The following FANCC variants were observed in gnomAD, a reference collection of about 807,000 sequenced individuals.
The protein encoded by FANCC is Fanconi anemia group C protein.
Under a neutral mutation model 71.3 loss-of-function variants are expected in FANCC, and 55 were observed. The observed-to-expected ratio is 0.77, with a 90% CI of 0.62 to 0.97. The LOEUF (loss-of-function observed/expected upper bound fraction) is 0.97, where lower values mean the gene tolerates loss of function less well. Ranked by LOEUF, FANCC falls within the 50% of genes least tolerant of loss-of-function variation. FANCC has a pLI of 0.00. For synonymous variants in FANCC, 275 were observed against 244.9 expected, an observed-to-expected ratio of 1.12 and a Z score of -1.15; for missense variants, 678 against 670.9, an observed-to-expected ratio of 1.01 and a Z score of -0.12.
chr9:95,171,109 TTC>T lies in FANCC; in HGVS notation c.489_490del (p.Asn164SerfsTer3), dbSNP rs730881708. ...TTGAGTGTTAAATCCATTAAGATGATTCTCTCTGAGTTCAGACGCTAATGATA... is the reference window on the plus strand; with the variant it reads ...TTGAGTGTTAAATCCATTAAGATGATTCTCTGAGTTCAGACGCTAATGATA... On this transcript the variant is annotated frameshift_variant, in exon 6 of 15. Coordinates refer to ENST00000289081, the MANE Select transcript of FANCC (RefSeq NM_000136.3). LOFTEE classifies it high-confidence loss of function. 17 of 1,613,502 alleles carry T rather than the reference TTC, an allele frequency of 1.1e-5. No individual in the cohort carries two copies. The highest frequency in any genetic ancestry group is 1.4e-5 in the Non-Finnish European group (16 of 1,179,674).
At chr9:95,288,354 C>T (rs931625422) in intron 1 of FANCC, among the ~76,000 whole-genome samples, 1 of 152,154 alleles carries the variant, frequency 6.6e-6, no homozygotes, top group Admixed American at 6.5e-5. Context: ...TTTGTTACAG[C>T]AGATCTTAAG....
chr9:95,314,948 C>G (rs779183399), intron 1 of FANCC, among the ~76,000 whole-genome samples: 1 of 151,954 alleles, frequency 6.6e-6, no homozygotes, highest in Admixed American at 6.6e-5. Flanking sequence ...AAAAAAATAA[C>G]AAACTGATAC....
intron 1 of FANCC, chr9:95,294,175 T>C (rs1167570678): frequency 1.5e-5 from 24 of 1,603,524 alleles, no homozygotes; most frequent in Non-Finnish European, 2.0e-5. Context: ...TCATAGTCTT[T>C]TGTCTAACAC....
rs2134925431 is a variant in FANCC at position 95,125,191 on chromosome 9, C to T, written c.897-6G>A. ...CGGTTTCCAGGAGTGCACACCTGAA[C>T]AATGCAAAGTCAGATCAGAACACGT... On this transcript the variant is annotated splice_polypyrimidine_tract_variant and splice_region_variant and intron_variant, in intron 9 of 14. Coordinates refer to ENST00000289081, the MANE Select transcript of FANCC (RefSeq NM_000136.3). 3.7e-6 allele frequency: 6 copies of T among 1,609,802 alleles called. No individual in the cohort carries two copies. Among genetic ancestry groups the T allele is most frequent in the Non-Finnish European group, 5.1e-6 (6 of 1,176,088 alleles).
At chr9:95,289,214 T>C (rs938859799) in intron 1 of FANCC, among the ~76,000 whole-genome samples, 1 of 152,194 alleles carries the variant, frequency 6.6e-6, no homozygotes, top group African/African-American at 2.4e-5. Flanking sequence ...CTTAAAAATT[T>C]TTTTCTGAAC....
chr9:95,304,589 G>GA (rs34635814), intron 1 of FANCC, among the ~76,000 whole-genome samples: 1 of 144,812 alleles, frequency 6.9e-6, no homozygotes. Flanking sequence ...TACTAAAAAC[G>GA]AAAAAAAAAA....
intron 14 of FANCC, among the ~76,000 whole-genome samples, chr9:95,106,190 G>A (rs2071435406): frequency 6.6e-6 from 1 of 151,442 alleles, no homozygotes; most frequent in South Asian, 2.1e-4. Context: ...GCTGCACTTT[G>A]CCTTTCCCTG....
In FANCC at chr9:95,126,449, T is replaced by G. The variant is rs992401795; in HGVS notation, c.896+80A>C. 4.5e-6 allele frequency: 6 copies of G among 1,334,254 alleles called. No individual in the cohort carries two copies. In the Admixed American group the frequency reaches 1.0e-4, roughly 23 times the overall value. 82.7% of individuals were successfully genotyped at this position (1,334,254 alleles called of 1,614,324 possible). ...ATTTCCCCATGATACAGCCAGAGACTACCACAACATTTTCTGATTCATGCT... is the reference window on the plus strand; with the variant it reads ...ATTTCCCCATGATACAGCCAGAGACGACCACAACATTTTCTGATTCATGCT... On this transcript the variant is annotated intron_variant, in intron 9 of 14. Coordinates refer to ENST00000289081, the MANE Select transcript of FANCC (RefSeq NM_000136.3).
intron 1 of FANCC, among the ~76,000 whole-genome samples, chr9:95,314,035 T>C (rs1213088433): frequency 6.6e-6 from 1 of 152,158 alleles, no homozygotes; most frequent in Non-Finnish European, 1.5e-5. Flanking sequence ...GTCAATAATA[T>C]ACACTCCATG....
intron 7 of FANCC, among the ~76,000 whole-genome samples, chr9:95,138,675 G>A (rs140552739): frequency 4.0e-4 from 61 of 152,292 alleles, no homozygotes; most frequent in Non-Finnish European, 7.2e-4. Flanking sequence ...CATCCTGGCC[G>A]AGAGCCATGG....
intron 4 of FANCC, among the ~76,000 whole-genome samples, chr9:95,237,621 T>C (rs1050004663): frequency 6.6e-6 from 1 of 152,050 alleles, no homozygotes; most frequent in African/African-American, 2.4e-5. Context: ...TTAATTTTAA[T>C]TCAATTTTAA....
intron 1 of FANCC, among the ~76,000 whole-genome samples, chr9:95,288,850 T>C (rs1262511485): frequency 3.9e-5 from 6 of 152,020 alleles, no homozygotes; most frequent in African/African-American, 1.5e-4. Context: ...ACCCTAGTAC[T>C]TAGGGAGGCT....
At chr9:95,120,772 T>C (rs2072813490) in intron 10 of FANCC, among the ~76,000 whole-genome samples, 1 of 152,224 alleles carries the variant, frequency 6.6e-6, no homozygotes, top group Admixed American at 6.5e-5. Context: ...TGCCTTTTTA[T>C]TAGAATATTT....
chr9:95,292,773 T>G, intron 1 of FANCC: 1 of 1,495,804 alleles, frequency 6.7e-7, no homozygotes, highest in South Asian at 1.1e-5. Flanking sequence ...CAGACCATTT[T>G]CTCAGTTTTC....
intron 4 of FANCC, among the ~76,000 whole-genome samples, chr9:95,197,197 T>C (rs1564743826): frequency 6.6e-6 from 1 of 152,124 alleles, no homozygotes; most frequent in Admixed American, 6.5e-5. Context: ...TTCTGACCCT[T>C]TGAAGCCCAT....
intron 4 of FANCC, among the ~76,000 whole-genome samples, chr9:95,221,857 A>C (rs1829294179): frequency 6.6e-6 from 1 of 152,184 alleles, no homozygotes; most frequent in Non-Finnish European, 1.5e-5. Context: ...CAGACTGATA[A>C]TGTGAGGTGT....
At chr9:95,207,695 C>T (rs1006909336) in intron 4 of FANCC, among the ~76,000 whole-genome samples, 1 of 152,266 alleles carries the variant, frequency 6.6e-6, no homozygotes, top group Admixed American at 6.5e-5. Flanking sequence ...AGTGTTACAA[C>T]CTCTCCACTA....
rs146520232 is a variant in FANCC, at chr9:95,129,400, C to T, written c.844-2819G>A. On this transcript the variant is annotated intron_variant, in intron 8 of 14. Coordinates refer to ENST00000289081, the MANE Select transcript of FANCC (RefSeq NM_000136.3). ...CAAATAGAATTAAGGTTTTAATACA[C>T]GCTTCTTTGGAAGCCGTATCTTCCC... Among the ~76,000 whole-genome samples, 14 of 152,200 alleles carry T rather than the reference C, an allele frequency of 9.2e-5. No homozygotes were observed. The East Asian group carries it at 1.4e-3, about 15-fold the overall frequency.
At chr9:95,184,113 T>TC (rs1826557711) in intron 4 of FANCC, among the ~76,000 whole-genome samples, 3 of 151,572 alleles carry the variant, frequency 2.0e-5, no homozygotes, top group African/African-American at 4.9e-5. Context: ...TAGTTGCTTC[T>TC]CCCCCCCTTT....
Sources: allele counts gnomAD v4.1 joint callset (sites outside exome capture counted in the v4.1 genomes callset), GRCh38; gene constraint gnomAD v4.1.1; transcripts MANE v1.5; gene names NCBI Gene and HGNC (gene_info 2026-07-23, HGNC 2026-07-21).